VANGL1: variants seen among roughly 807,000 people sequenced by gnomAD.
VANGL1 encodes vang-like protein 1.
In VANGL1, 18 loss-of-function variants were observed where a neutral mutation model predicts 48.4. That is an observed-to-expected ratio of 0.37 (90% CI 0.26 to 0.55). The LOEUF is 0.55. VANGL1 is among the 20% of genes least tolerant of loss of function. The pLI, the probability that VANGL1 is intolerant of heterozygous loss-of-function variation, is 0.81. For synonymous variants in VANGL1, 257 were observed against 261.8 expected, an observed-to-expected ratio of 0.98 and a Z score of 0.18; for missense variants, 667 against 675.8, an observed-to-expected ratio of 0.99 and a Z score of 0.14.
chr1:115,659,874 C>T, intron 3 of VANGL1, 101 bp downstream of exon 3: 1 of 1,517,844 alleles, frequency 6.6e-7, no homozygotes, highest in Non-Finnish European at 9.1e-7. Flanking sequence ...CTTTATTTTT[C>T]TAGCATGCTA....
rs1315320043 is a variant in VANGL1 at position 115,691,470 on chromosome 1, C to G, written c.*91C>G. 7 of 1,381,846 alleles carry G rather than the reference C, an allele frequency of 5.1e-6. No individual in the cohort carries two copies. Among genetic ancestry groups the G allele is most frequent in the Non-Finnish European group, 6.8e-6 (7 of 1,030,176 alleles). 85.6% of individuals were successfully genotyped at this position (1,381,846 alleles called of 1,614,324 possible). A position where few individuals can be genotyped will look rare whatever the true frequency, so the allele number is the denominator to read the frequency against. ...CAGAGGGGTGTCTTTTTTAAAAATT[C>G]TTCTTCATTGCTGACTGAAACTGGC... On this transcript the variant is annotated 3_prime_UTR_variant, in exon 8 of 8. Coordinates refer to ENST00000355485, the MANE Select transcript of VANGL1 (RefSeq NM_138959.3).
intron 6 of VANGL1, among the ~76,000 whole-genome samples, chr1:115,685,044 A>G (rs1481766574): frequency 6.6e-6 from 1 of 152,224 alleles, no homozygotes; most frequent in East Asian, 1.9e-4. Context: ...AACAGAGTTC[A>G]TCTCCCAGTC....
intron 3 of VANGL1, among the ~76,000 whole-genome samples, chr1:115,662,416 C>G (rs896598857): frequency 6.6e-5 from 10 of 152,220 alleles, no homozygotes; most frequent in Admixed American, 1.3e-4. Context: ...TCTTTGGCCT[C>G]CTGTGTCTTT....
At chr1:115,643,014 C>T (rs1474623405) in intron 1 of VANGL1, among the ~76,000 whole-genome samples, 1 of 152,228 alleles carries the variant, frequency 6.6e-6, no homozygotes, top group Non-Finnish European at 1.5e-5. Flanking sequence ...CTTCTCCAAA[C>T]CAGGTCTAAT....
intron 1 of VANGL1, among the ~76,000 whole-genome samples, chr1:115,651,075 C>A (rs1476012777): frequency 2.0e-5 from 3 of 152,064 alleles, no homozygotes; most frequent in Non-Finnish European, 2.9e-5. Context: ...GCTTGCTCAG[C>A]GCCTATCCTG....
chr1:115,678,464 G>T lies in VANGL1; in HGVS notation c.813-3900G>T, dbSNP rs578030806. Among the ~76,000 whole-genome samples, 8 of 152,300 alleles carry T rather than the reference G, an allele frequency of 5.3e-5. 1 individual carries two copies. The East Asian group carries it at 1.5e-3, about 29-fold the overall frequency. ...TAGTGAGGGAGAATGTGGAAAAAAT[G>T]TAAACAAAACAGCCTCACCTATTCA... is the stretch of plus-strand genomic sequence containing the variant. On this transcript the variant is annotated intron_variant, in intron 4 of 7. Transcript: ENST00000355485.
At chr1:115,678,579 A>G (rs374111168) in intron 4 of VANGL1, among the ~76,000 whole-genome samples, 20 of 152,240 alleles carry the variant, frequency 1.3e-4, no homozygotes, top group African/African-American at 4.3e-4. Flanking sequence ...TACGTGGCAC[A>G]GCTCACTGTT....
Position 115,666,599 on chromosome 1 carries a change from C to G in VANGL1, c.812+2331C>G, listed in dbSNP as rs565376905. On this transcript the variant is annotated intron_variant, in intron 4 of 7. Coordinates refer to ENST00000355485, the MANE Select transcript of VANGL1 (RefSeq NM_138959.3). ...TTTAAAAAACTCAAGTCAGTCACCCCAGCTCCCCAGGGAGAACTGAAAGGT... is the reference window on the plus strand; with the variant it reads ...TTTAAAAAACTCAAGTCAGTCACCCGAGCTCCCCAGGGAGAACTGAAAGGT... 2.0e-5 allele frequency among the ~76,000 whole-genome samples: 3 copies of G among 152,272 alleles called. No individual in the cohort carries two copies. The East Asian group carries it at 5.8e-4, about 29-fold the overall frequency.
At chr1:115,650,123 G>C (rs1391748013) in intron 1 of VANGL1, among the ~76,000 whole-genome samples, 2 of 152,226 alleles carry the variant, frequency 1.3e-5, no homozygotes, top group African/African-American at 4.8e-5. Flanking sequence ...GTGCTGACCT[G>C]ATTCCCTCCA....
Position 115,651,421 on chromosome 1 carries a change from C to T in VANGL1, c.8C>T (p.Thr3Ile). MD[T>I]ESTYSGYSYY... Reference sequence around the variant, plus strand: ...CGCAAGCCCTCCATTGCTATGGATACCGAATCCACTTATTCTGGATATTCT... The same window carrying T: ...CGCAAGCCCTCCATTGCTATGGATATCGAATCCACTTATTCTGGATATTCT... Residue 3 changes from threonine to isoleucine, a missense_variant, in exon 2 of 8, where the codon ACC (threonine) becomes ATC (isoleucine). Coordinates refer to ENST00000355485, the MANE Select transcript of VANGL1 (RefSeq NM_138959.3). 3 of 1,613,914 alleles carry T rather than the reference C, an allele frequency of 1.9e-6. No individual in the cohort carries two copies. Among genetic ancestry groups the T allele is most frequent in the Non-Finnish European group, 2.5e-6 (3 of 1,179,986 alleles).
At chr1:115,675,864 C>T (rs1029372985) in intron 4 of VANGL1, among the ~76,000 whole-genome samples, 4 of 152,066 alleles carry the variant, frequency 2.6e-5, no homozygotes, top group Non-Finnish European at 5.9e-5. Flanking sequence ...CTTGATTTCT[C>T]TGATTCTTGA....
At chr1:115,676,124 C>T (rs1324472751) in intron 4 of VANGL1, among the ~76,000 whole-genome samples, 1 of 152,176 alleles carries the variant, frequency 6.6e-6, no homozygotes, top group Non-Finnish European at 1.5e-5. Flanking sequence ...TCAACAACCA[C>T]ATGCAGTGGT....
Position 115,691,329 on chromosome 1 carries a change from C to A in VANGL1, c.1525C>A (p.Pro509Thr). ...CATACTCTCTGAAGAGTTCATAGAC[C>A]CCAAATCTCACAAATTTGTCCTTCG... ...FIILSEEFIDPKSHKFVLRLQ... is the reference protein window; with the variant it reads ...FIILSEEFIDTKSHKFVLRLQ... The change falls in exon 8 of 8, where the codon CCC becomes ACC. Residue 509 changes from proline to threonine, a missense_variant. Transcript: ENST00000355485. 6.2e-7 allele frequency: 1 copy of A among 1,613,956 alleles called. No homozygotes were observed. Among genetic ancestry groups the A allele is most frequent in the Non-Finnish European group, 8.5e-7 (1 of 1,180,004 alleles).
At chr1:115,686,720 C>T (rs1205323647) in intron 7 of VANGL1, among the ~76,000 whole-genome samples, 4 of 151,964 alleles carry the variant, frequency 2.6e-5, no homozygotes, top group African/African-American at 9.7e-5. Context: ...GACTCTGTAA[C>T]ACCCAAAATG....
rs187082917 is a variant in VANGL1, at chr1:115,647,817, A to C, written c.-137-3460A>C. Among the ~76,000 whole-genome samples the C allele has an allele frequency of 5.9e-5, 9 of 152,332 alleles. No individual in the cohort carries two copies. In the East Asian group the frequency reaches 1.7e-3, roughly 29 times the overall value. ...GGAATTGGGAAGAACAGGACAGGATACTGGAGAGCACCTATGAGAGGGATG... is the reference window on the plus strand; with the variant it reads ...GGAATTGGGAAGAACAGGACAGGATCCTGGAGAGCACCTATGAGAGGGATG... On this transcript the variant is annotated intron_variant, in intron 1 of 7. Transcript: ENST00000355485.
rs1274785505 is a variant in VANGL1, at chr1:115,688,277, A to G, written c.1314+2750A>G. ...TAATAGCTACGTCTTATTCTACCAA[A>G]TACCATGATTTATTCAACTGATTGT... On this transcript the variant is annotated intron_variant, in intron 7 of 7. Transcript: ENST00000355485. Among the ~76,000 whole-genome samples the G allele has an allele frequency of 2.9e-5, 4 of 138,684 alleles. 1 individual carries two copies. Among genetic ancestry groups the G allele is most frequent in the African/African-American group, 1.1e-4 (4 of 36,900 alleles). The allele number at this position is 138,684 out of a possible 152,430, so 91.0% of individuals were successfully genotyped here.
At position 115,664,285 on chromosome 1, in the gene VANGL1, A is replaced by C; in HGVS notation, c.812+17A>C. 1.2e-6 allele frequency: 2 copies of C among 1,612,464 alleles called. No individual in the cohort carries two copies. Among genetic ancestry groups the C allele is most frequent in the Non-Finnish European group, 1.7e-6 (2 of 1,179,718 alleles). Reference sequence around the variant, plus strand: ...ACACCTGAGGTAAGAGGCAACATCCAGGAGGCAGAAAGGATGGCTGATGTC... The same window carrying C: ...ACACCTGAGGTAAGAGGCAACATCCCGGAGGCAGAAAGGATGGCTGATGTC... On this transcript the variant is annotated intron_variant, in intron 4 of 7. Transcript: ENST00000355485.
At chr1:115,651,796 A>G (rs1045059473) in intron 2 of VANGL1, among the ~76,000 whole-genome samples, 4 of 150,284 alleles carry the variant, frequency 2.7e-5, no homozygotes, top group Non-Finnish European at 4.4e-5. Flanking sequence ...TCGTTCTGTC[A>G]CCCAGGCTGG....
chr1:115,653,919 A>G (rs527237740), intron 2 of VANGL1, among the ~76,000 whole-genome samples: 40 of 152,188 alleles, frequency 2.6e-4, no homozygotes, highest in Middle Eastern at 3.4e-3. Flanking sequence ...AAACACCACT[A>G]CCACCTACGG....
Sources: allele counts gnomAD v4.1 joint callset (sites outside exome capture counted in the v4.1 genomes callset), GRCh38; gene constraint gnomAD v4.1.1; transcripts MANE v1.5; gene names NCBI Gene and HGNC (gene_info 2026-07-23, HGNC 2026-07-21).